Variants in BLTP2 observed in about 807,000 individuals in gnomAD.
BLTP2 encodes the protein U937-associated antigen.
the BLTP2 span, chr17:28,619,015 C>A: frequency 1.3e-6 from 2 of 1,543,518 alleles, no homozygotes; most frequent in Non-Finnish European, 1.8e-6. Context: ...GGAAACAGCA[C>A]ATGGGTTGGG....
chr17:28,625,884 C>T, the BLTP2 span, among the ~76,000 whole-genome samples: 22 of 152,282 alleles, frequency 1.4e-4, no homozygotes, highest in African/African-American at 5.1e-4. Context: ...ACCGTCTCAG[C>T]CTCCCGAGTA....
chr17:28,638,225 C>G, the BLTP2 span: 59 of 1,606,524 alleles, frequency 3.7e-5, no homozygotes, highest in Non-Finnish European at 4.5e-5. Flanking sequence ...GCTGTGCAGG[C>G]CCCTATTCAC....
chr17:28,632,853 C>T, the BLTP2 span: 1 of 1,008,146 alleles, frequency 9.9e-7, no homozygotes, highest in Non-Finnish European at 1.4e-6. Context: ...CCCTCCCCTC[C>T]CCTCCCCAGA....
chr17:28,614,875 G>T, the BLTP2 span: 2 of 630,490 alleles, frequency 3.2e-6, no homozygotes, highest in Admixed American at 2.6e-5. Context: ...AGCCTGATCA[G>T]TGTGAGACAG....
the BLTP2 span, among the ~76,000 whole-genome samples, chr17:28,627,083 C>T: frequency 6.6e-6 from 1 of 152,166 alleles, no homozygotes; most frequent in Admixed American, 6.5e-5. Context: ...AACTGGTGTC[C>T]ACTGCAGAAT....
the BLTP2 span, among the ~76,000 whole-genome samples, chr17:28,644,370 C>T: frequency 1.3e-5 from 2 of 152,234 alleles, no homozygotes; most frequent in Non-Finnish European, 2.9e-5. Context: ...TCCTAGCTCC[C>T]GACTGACCCC....
the BLTP2 span, chr17:28,645,094 G>C: frequency 6.4e-7 from 1 of 1,554,274 alleles, no homozygotes; most frequent in East Asian, 2.4e-5. Context: ...CCCGGCCCCC[G>C]CCATGCCGGG....
At chr17:28,643,408 A>G in the BLTP2 span, 35 of 1,511,294 alleles carry the variant, frequency 2.3e-5, no homozygotes, top group Non-Finnish European at 3.1e-5. Context: ...TCCTAGAAAT[A>G]TAGCTCAAAT....
chr17:28,616,963 G>A, the BLTP2 span: 6 of 1,613,766 alleles, frequency 3.7e-6, no homozygotes, highest in Admixed American at 1.7e-5. The surrounding 1 kb of genome is among the most constrained non-coding windows in gnomAD (Gnocchi z 4.8). Flanking sequence ...GCTAGCTGTC[G>A]CCCAGACTGG....
chr17:28,643,969 AG>A, the BLTP2 span: 1 of 1,471,870 alleles, frequency 6.8e-7, no homozygotes. Flanking sequence ...AAAAGCCACC[AG>A]GATTTCTATT....
the BLTP2 span, chr17:28,621,529 C>A: frequency 5.8e-6 from 9 of 1,547,460 alleles, no homozygotes; most frequent in Non-Finnish European, 8.0e-6. Flanking sequence ...AACTTTAGCT[C>A]CTGGGAAAAG....
chr17:28,620,629 C>G, the BLTP2 span: 4 of 1,613,130 alleles, frequency 2.5e-6, no homozygotes, highest in South Asian at 4.4e-5. Flanking sequence ...TATCCACAGC[C>G]CCTAGATAAT....
chr17:28,624,804 G>T, the BLTP2 span, among the ~76,000 whole-genome samples: 1 of 152,026 alleles, frequency 6.6e-6, no homozygotes, highest in Non-Finnish European at 1.5e-5. Flanking sequence ...TGCTTCCCCT[G>T]ATTATGTCTC....
chr17:28,632,801 CA>C, the BLTP2 span: 651 of 550,672 alleles, frequency 1.2e-3, no homozygotes, highest in African/African-American at 3.6e-3. Context: ...TGCCAAAAAA[CA>C]AAAAAAAAGG....
At chr17:28,642,580 G>A in the BLTP2 span, 1 of 565,794 alleles carries the variant, frequency 1.8e-6, no homozygotes, top group East Asian at 3.0e-5. Flanking sequence ...GAACCCAGGA[G>A]GCGGAGCTTG....
At chr17:28,626,369 T>C in the BLTP2 span, among the ~76,000 whole-genome samples, 1 of 152,242 alleles carries the variant, frequency 6.6e-6, no homozygotes. Flanking sequence ...GTTTACTCTC[T>C]GTGATACTGT....
the BLTP2 span, chr17:28,634,524 G>A: frequency 6.2e-7 from 1 of 1,612,724 alleles, no homozygotes; most frequent in Non-Finnish European, 8.5e-7. Context: ...TACCCAGAAA[G>A]CTCTTGACAT....
chr17:28,637,544 C>T, the BLTP2 span, among the ~76,000 whole-genome samples: 121 of 152,310 alleles, frequency 7.9e-4, no homozygotes, highest in Non-Finnish European at 1.5e-3. Flanking sequence ...TTATGCAAGA[C>T]TTTCAAGCAT....
the BLTP2 span, chr17:28,617,472 T>C: frequency 5.1e-6 from 3 of 586,692 alleles, no homozygotes; most frequent in Non-Finnish European, 9.2e-6. Context: ...CACTCTTTAA[T>C]CCAGTGTGTC....
Sources: gnomAD v4.1 joint callset for allele counts (sites outside exome capture counted in the v4.1 genomes callset) on GRCh38, gnomAD v4.1.1 for gene constraint, Gnocchi (gnomAD v3.1) non-coding constraint, MANE v1.5 for transcripts, NCBI Gene and HGNC (gene_info 2026-07-23, HGNC 2026-07-21) for gene names.